SYCP2: variants seen among roughly 807,000 people sequenced by gnomAD.
The protein encoded by SYCP2 is synaptonemal complex lateral element protein.
In SYCP2, 55 loss-of-function variants were observed where a neutral mutation model predicts 211.3. The ratio of observed to expected loss-of-function variants is 0.26; its 90% CI spans 0.21 to 0.33. The LOEUF is 0.33. SYCP2 is among the 10% of genes least tolerant of loss of function. The pLI is 1.00. For synonymous variants in SYCP2, 570 were observed against 555.2 expected (o/e 1.03, Z -0.37); for missense variants, 1,731 against 1,752.0 (o/e 0.99, Z 0.21).
chr20:59,920,569 T>C (rs1049821018), intron 4 of SYCP2, 82 bp from the exon 5 acceptor site: 11 of 1,090,856 alleles, frequency 1.0e-5, no homozygotes, highest in Non-Finnish European at 1.5e-5. Flanking sequence ...GTTACACATA[T>C]ATTTTAATCT....
chr20:59,929,674 C>A (rs1350091276), intron 2 of SYCP2, among the ~76,000 whole-genome samples: 1 of 141,478 alleles, frequency 7.1e-6, no homozygotes, highest in Non-Finnish European at 1.5e-5. Flanking sequence ...CTAAAGTATA[C>A]TTAATAAAGG....
At chr20:59,880,568 C>A (rs954684212) in intron 30 of SYCP2, 97 bp from the exon 31 acceptor site, 5 of 646,002 alleles carry the variant, frequency 7.7e-6, no homozygotes, top group East Asian at 6.1e-5. Flanking sequence ...CAAAAAAAAA[C>A]AAAACCCAAA....
chr20:59,931,924 A>C (rs1445159068), intron 2 of SYCP2, 138 bp downstream of exon 2: 1 of 152,246 alleles, frequency 6.6e-6, no homozygotes, highest in Non-Finnish European at 1.5e-5. Context: ...TCTAAAAAGA[A>C]ACAAAAGTTA....
At chr20:59,876,592 T>TA (rs1203898340) in intron 33 of SYCP2, among the ~76,000 whole-genome samples, 1 of 151,712 alleles carries the variant, frequency 6.6e-6, no homozygotes, top group African/African-American at 2.4e-5. Flanking sequence ...TACCACTTCC[T>TA]AGTTGTGTGA....
At chr20:59,923,489 G>A (rs1049291821) in intron 2 of SYCP2, among the ~76,000 whole-genome samples, 6 of 151,594 alleles carry the variant, frequency 4.0e-5, no homozygotes, top group African/African-American at 1.5e-4. Context: ...TAATAATTAT[G>A]GGAATTTTTT....
In SYCP2 at chr20:59,866,407, A is replaced by C; in HGVS notation, c.4221-15T>G. On this transcript the variant is annotated splice_polypyrimidine_tract_variant and intron_variant, in intron 40 of 44. Coordinates refer to ENST00000357552, the MANE Select transcript of SYCP2 (RefSeq NM_014258.4). ...GTTTTTTAATCCTATTACAGAAACA[A>C]AATGAGATTAATTTTAAAAACTGTA... The C allele has an allele frequency of 6.4e-7, 1 of 1,563,232 alleles. No homozygotes were observed. The highest frequency in any genetic ancestry group is 8.7e-7 in the Non-Finnish European group (1 of 1,147,478).
At chr20:59,919,042 C>T in intron 7 of SYCP2, 116 bp downstream of exon 7, 1 of 522,362 alleles carries the variant, frequency 1.9e-6, no homozygotes, top group Non-Finnish European at 3.4e-6. Context: ...TTTGTTGATC[C>T]TTGAATCAGA....
At chr20:59,901,370 T>C (rs1473150968) in intron 16 of SYCP2, among the ~76,000 whole-genome samples, 3 of 152,112 alleles carry the variant, frequency 2.0e-5, no homozygotes, top group Non-Finnish European at 4.4e-5. Context: ...ATTCTCACGA[T>C]GTTTAAGATC....
At chr20:59,904,206 T>A (rs1193080965) in intron 15 of SYCP2, among the ~76,000 whole-genome samples, 1 of 152,128 alleles carries the variant, frequency 6.6e-6, no homozygotes, top group African/African-American at 2.4e-5. Flanking sequence ...TCTCTTATAG[T>A]CTCATGGGCT....
chr20:59,927,681 C>G (rs1408263102), intron 2 of SYCP2, among the ~76,000 whole-genome samples: 1 of 152,160 alleles, frequency 6.6e-6, no homozygotes, highest in Non-Finnish European at 1.5e-5. Context: ...CTTTTCCCTA[C>G]TCCTAGCTTC....
chr20:59,882,118 A>G lies in SYCP2; in HGVS notation c.2577T>C (p.Val859=). Residue 859 remains valine (V), a synonymous_variant, in exon 27 of 45, where the codon GTT becomes GTC. Transcript: ENST00000357552. ...ACACTGGGCATTCAGAAGTAACATTAACAAAGGTAGTCTTCAGTTTTCTGT... is the reference window on the plus strand; with the variant it reads ...ACACTGGGCATTCAGAAGTAACATTGACAAAGGTAGTCTTCAGTTTTCTGT... ...KSYRKLKTTF[V]NVTSECPVND... 1 of 1,613,130 alleles carries G rather than the reference A, an allele frequency of 6.2e-7. No individual in the cohort carries two copies. Among genetic ancestry groups the G allele is most frequent in the East Asian group, 2.2e-5 (1 of 44,788 alleles).
At position 59,921,291 on chromosome 20, in the gene SYCP2, A is replaced by G. The variant is rs902909668; in HGVS notation, c.168+19T>C. 2 of 1,571,788 alleles carry G rather than the reference A, an allele frequency of 1.3e-6. No individual in the cohort carries two copies. The highest frequency in any genetic ancestry group is 1.7e-6 in the Non-Finnish European group (2 of 1,159,038). Reference sequence around the variant, plus strand: ...TATCTAATAATTGTAACAATCATTCAGCAAAAATGAATATTTACCCTGCAT... The same window carrying G: ...TATCTAATAATTGTAACAATCATTCGGCAAAAATGAATATTTACCCTGCAT... On this transcript the variant is annotated intron_variant, in intron 4 of 44. Transcript: ENST00000357552.
At chr20:59,868,391 T>TA (rs1568902660) in intron 38 of SYCP2, 22 bp downstream of exon 38, 1 of 1,593,278 alleles carries the variant, frequency 6.3e-7, no homozygotes, top group East Asian at 2.2e-5. Flanking sequence ...TGCATTTTGA[T>TA]ACAGGCTACT....
chr20:59,885,353 G>A (rs539497632), intron 26 of SYCP2, among the ~76,000 whole-genome samples: 82 of 152,206 alleles, frequency 5.4e-4, no homozygotes, highest in African/African-American at 1.9e-3. Flanking sequence ...AAAGAAAATT[G>A]TTAACACATA....
chr20:59,907,300 G>A (rs2060231174), intron 15 of SYCP2, 64 bp downstream of exon 15: 1 of 1,031,510 alleles, frequency 9.7e-7, no homozygotes, highest in African/African-American at 1.6e-5. Context: ...ACCCAGAAAG[G>A]ATGTAACATT....
intron 24 of SYCP2, 65 bp downstream of exon 24, chr20:59,891,925 C>T: frequency 7.3e-7 from 1 of 1,369,696 alleles, no homozygotes; most frequent in Non-Finnish European, 9.9e-7. Flanking sequence ...AAGTTTCTTT[C>T]TTTCTTATGT....
At chr20:59,870,081 A>G in intron 35 of SYCP2, 98 bp from the exon 36 acceptor site, 1 of 706,988 alleles carries the variant, frequency 1.4e-6, no homozygotes, top group East Asian at 2.8e-5. Flanking sequence ...ATTAAAGCAA[A>G]ACTGCAAAAC....
intron 19 of SYCP2, 132 bp from the exon 20 acceptor site, chr20:59,895,729 G>A (rs1329154928): frequency 9.7e-7 from 1 of 1,026,722 alleles, no homozygotes; most frequent in Non-Finnish European, 1.4e-6. Context: ...AGATAATTAA[G>A]TGAATATAGA....
intron 35 of SYCP2, among the ~76,000 whole-genome samples, chr20:59,871,368 T>C (rs2059448204): frequency 6.7e-6 from 1 of 150,198 alleles, no homozygotes; most frequent in Non-Finnish European, 1.5e-5. Flanking sequence ...CTCATAGCAG[T>C]GTTGAGAGTG....
Sources: allele counts gnomAD v4.1 joint callset (sites outside exome capture counted in the v4.1 genomes callset), GRCh38; gene constraint gnomAD v4.1.1; transcripts MANE v1.5; gene names NCBI Gene and HGNC (gene_info 2026-07-23, HGNC 2026-07-21).